CALN1: variants seen among roughly 807,000 people sequenced by gnomAD.
CALN1 encodes calneuron 1, also known as calcium-binding protein 8.
A neutral mutation model predicts 30.6 loss-of-function variants in CALN1; 17 were observed. That is an observed-to-expected ratio of 0.56 (90% CI 0.38 to 0.83). The LOEUF is 0.83. CALN1 is among the 40% of genes least tolerant of loss of function. The pLI is 0.00. For synonymous variants in CALN1, 156 were observed against 131.4 expected (o/e 1.19, Z -1.28); for missense variants, 291 against 354.9 (o/e 0.82, Z 1.45).
In CALN1 at chr7:72,365,602, T is replaced by A. The variant is rs1011879418; in HGVS notation, c.119+37649A>T. On this transcript the variant is annotated intron_variant, in intron 2 of 6. Coordinates refer to ENST00000395275, the MANE Select transcript of CALN1 (RefSeq NM_031468.4). ...ATGCCACCACTCCCTGCAAATTTTT[T>A]AAATTTTTTTGTAGACACAGGGTCT... 4.6e-5 allele frequency among the ~76,000 whole-genome samples: 7 copies of A among 152,072 alleles called. No homozygotes were observed. The South Asian group carries it at 1.5e-3, about 32-fold the overall frequency.
chr7:72,469,069 A>ATG, the CALN1 span, among the ~76,000 whole-genome samples: 1 of 152,148 alleles, frequency 6.6e-6, no homozygotes, highest in African/African-American at 2.4e-5. Context: ...ATAAAGTTGA[A>ATG]TGTTTCTATT....
intron 5 of CALN1, among the ~76,000 whole-genome samples, chr7:71,926,963 C>T (rs916107006): frequency 6.6e-6 from 1 of 152,150 alleles, no homozygotes; most frequent in African/African-American, 2.4e-5. Context: ...GTTCAAACGT[C>T]TTTGTCATCT....
In CALN1 at chr7:72,405,643, A is replaced by G. The variant is rs973886727; in HGVS notation, c.-73-2201T>C. ...TTCCCCACACACGCGGCACATGCCGAAACTCTTGGAGACTTCTCTAGTTAG... is the reference window on the plus strand; with the variant it reads ...TTCCCCACACACGCGGCACATGCCGGAACTCTTGGAGACTTCTCTAGTTAG... On this transcript the variant is annotated intron_variant, in intron 1 of 6. Transcript: ENST00000395275. 2.0e-5 allele frequency among the ~76,000 whole-genome samples: 3 copies of G among 152,192 alleles called. No homozygotes were observed. In the East Asian group the frequency reaches 5.8e-4, roughly 29 times the overall value.
chr7:72,299,123 C>T (rs1293583116), intron 2 of CALN1, among the ~76,000 whole-genome samples: 1 of 152,140 alleles, frequency 6.6e-6, no homozygotes, highest in Non-Finnish European at 1.5e-5. Context: ...CACTTCACAC[C>T]AGACCAGACA....
rs899036218 is a variant in CALN1, at chr7:71,869,090, A to G, written c.502-58598T>C. ...TCACTACCACAATGGGGGCAGGGAC[A>G]GAGTGCTTCTCCTCTCCTAAAATGG... On this transcript the variant is annotated intron_variant, in intron 5 of 6. Transcript: ENST00000395275. Among the ~76,000 whole-genome samples, 10 of 152,220 alleles carry G rather than the reference A, an allele frequency of 6.6e-5. 1 individual carries two copies. Among genetic ancestry groups the G allele is most frequent in the Admixed American group, 6.5e-4 (10 of 15,272 alleles).
chr7:71,798,307 TTTTA>T (rs55949827), intron 6 of CALN1, among the ~76,000 whole-genome samples: 50,457 of 150,294 alleles, frequency 0.34, 12,237 homozygotes, highest in East Asian at 0.91. Context: ...CCAAACTATA[TTTTA>T]TTTATTTATT....
At chr7:72,163,102 T>G (rs1408818419) in intron 3 of CALN1, among the ~76,000 whole-genome samples, 1 of 152,148 alleles carries the variant, frequency 6.6e-6, no homozygotes, top group African/African-American at 2.4e-5. Flanking sequence ...GTTCAAATCT[T>G]GTCAAATTAC....
intron 3 of CALN1, among the ~76,000 whole-genome samples, chr7:72,269,270 C>CA (rs1160468329): frequency 1.3e-5 from 2 of 152,162 alleles, no homozygotes; most frequent in Admixed American, 6.5e-5. Flanking sequence ...AGGTTTGTTA[C>CA]ATATGTATAC....
chr7:72,419,373 T>C (rs1200532748), intron 1 of CALN1, among the ~76,000 whole-genome samples: 1 of 152,160 alleles, frequency 6.6e-6, no homozygotes, highest in Non-Finnish European at 1.5e-5. Flanking sequence ...CAGGTCTTCC[T>C]TCTTTGATAA....
At chr7:72,382,997 G>T (rs549738716) in intron 2 of CALN1, among the ~76,000 whole-genome samples, 1 of 152,130 alleles carries the variant, frequency 6.6e-6, no homozygotes, top group South Asian at 2.1e-4. Flanking sequence ...CATATTGGCC[G>T]GGATGGTCTC....
At chr7:72,420,913 C>G (rs369768693) in intron 1 of CALN1, among the ~76,000 whole-genome samples, 1 of 152,004 alleles carries the variant, frequency 6.6e-6, no homozygotes, top group African/African-American at 2.4e-5. Context: ...CACGCCTGGC[C>G]GGGATGCATC....
chr7:71,875,042 A>G (rs67943706), intron 5 of CALN1, among the ~76,000 whole-genome samples: 34,013 of 151,504 alleles, frequency 0.22, 3,984 homozygotes, highest in African/African-American at 0.25. Flanking sequence ...GTGCATGCTT[A>G]TAATCCCAGA....
the CALN1 span, among the ~76,000 whole-genome samples, chr7:72,479,864 A>G: frequency 6.6e-6 from 1 of 152,120 alleles, no homozygotes; most frequent in East Asian, 1.9e-4. Flanking sequence ...AGCACAATTT[A>G]TTGACTAGAC....
chr7:71,839,334 C>A (rs1258406738), intron 5 of CALN1, among the ~76,000 whole-genome samples: 1 of 152,062 alleles, frequency 6.6e-6, no homozygotes, highest in South Asian at 2.1e-4. Context: ...GAGTTAGAGA[C>A]CAGCCTGGCC....
chr7:72,478,936 C>T, the CALN1 span, among the ~76,000 whole-genome samples: 7 of 148,182 alleles, frequency 4.7e-5, no homozygotes, highest in Admixed American at 4.7e-4. Flanking sequence ...GGCTGGAGTG[C>T]ATTGGCGAGA....
intron 5 of CALN1, among the ~76,000 whole-genome samples, chr7:71,821,788 CTTT>C (rs775510268): frequency 2.3e-4 from 22 of 95,738 alleles, no homozygotes; most frequent in South Asian, 3.7e-4. Context: ...ATGTTTCTTT[CTTT>C]TTTTTTTTTT....
intron 5 of CALN1, among the ~76,000 whole-genome samples, chr7:71,914,709 T>C (rs1214499675): frequency 6.6e-6 from 1 of 152,158 alleles, no homozygotes; most frequent in Non-Finnish European, 1.5e-5. Context: ...CCAGCATCTG[T>C]TATCTTCTGA....
chr7:71,853,502 A>G (rs1790766576), intron 5 of CALN1, among the ~76,000 whole-genome samples: 2 of 152,184 alleles, frequency 1.3e-5, no homozygotes, highest in South Asian at 4.1e-4. Flanking sequence ...CTTTATTGAG[A>G]GTCTTCACAA....
At chr7:72,008,272 C>A (rs1799883466) in intron 5 of CALN1, among the ~76,000 whole-genome samples, 1 of 152,042 alleles carries the variant, frequency 6.6e-6, no homozygotes, top group Non-Finnish European at 1.5e-5. Flanking sequence ...ACAAGGTATT[C>A]AGTAACATTC....
Sources: allele counts gnomAD v4.1 joint callset (sites outside exome capture counted in the v4.1 genomes callset), GRCh38; gene constraint gnomAD v4.1.1; transcripts MANE v1.5; gene names NCBI Gene and HGNC (gene_info 2026-07-23, HGNC 2026-07-21).